The following LMBRD2 variants were observed in gnomAD, a reference collection of about 807,000 sequenced individuals.
The protein encoded by LMBRD2 is LMBR1 domain containing 2, also known as G protein-coupled receptor-associated protein LMBRD2.
LMBRD2 carries 55 observed loss-of-function variants against 94.4 expected under a neutral mutation model. That is an observed-to-expected ratio of 0.58 (90% CI 0.47 to 0.73). The LOEUF is 0.73. Ranked by LOEUF, LMBRD2 falls within the 30% of genes least tolerant of loss-of-function variation. LMBRD2 has a pLI of 0.00. For missense variants in LMBRD2, 640 were observed against 831.9 expected (o/e 0.77, Z 2.84); for synonymous variants, 246 against 272.4 (o/e 0.90, Z 0.95).
At chr5:36,140,232 G>A (rs1392561279) in intron 4 of LMBRD2, among the ~76,000 whole-genome samples, 2 of 152,204 alleles carry the variant, frequency 1.3e-5, no homozygotes, top group Non-Finnish European at 2.9e-5. Context: ...CCGATGCCTG[G>A]AGCTGCCCAC....
chr5:36,105,210 G>A lies in LMBRD2; in HGVS notation c.1898-13C>T, dbSNP rs776665965. 5.6e-6 allele frequency: 9 copies of A among 1,609,852 alleles called. No homozygotes were observed. Among genetic ancestry groups the A allele is most frequent in the Middle Eastern group, 3.3e-4 (2 of 6,036 alleles). Reference sequence around the variant, plus strand: ...TATTTGAATGCAGCTGCAAAGGAAGGGGGAAAAATGTCTACTTCCCTACTG... The same window carrying A: ...TATTTGAATGCAGCTGCAAAGGAAGAGGGAAAAATGTCTACTTCCCTACTG... On this transcript the variant is annotated splice_polypyrimidine_tract_variant and intron_variant, in intron 16 of 17. Transcript: ENST00000296603.
At chr5:36,145,641 A>G (rs1744520529) in intron 1 of LMBRD2, among the ~76,000 whole-genome samples, 1 of 152,250 alleles carries the variant, frequency 6.6e-6, no homozygotes, top group Non-Finnish European at 1.5e-5. Context: ...AAAAAACCCA[A>G]TTGATGTGAG....
intron 3 of LMBRD2, among the ~76,000 whole-genome samples, chr5:36,141,651 G>A (rs759786623): frequency 1.1e-4 from 17 of 151,474 alleles, no homozygotes; most frequent in Non-Finnish European, 2.4e-4. Context: ...CCTGAAAATT[G>A]TAATGCTAAT....
rs115186757 is a variant in LMBRD2, at chr5:36,129,735, G to A, written c.748-5470C>T. Among the ~76,000 whole-genome samples, 294 of 152,226 alleles carry A rather than the reference G, an allele frequency of 1.9e-3. 2 individuals carry two copies. Among genetic ancestry groups the A allele is most frequent in the African/African-American group, 6.7e-3 (277 of 41,540 alleles). On this transcript the variant is annotated intron_variant, in intron 6 of 17. Transcript: ENST00000296603. ...AGAATATTATTAACACTATGACTGC[G>A]GTGTGAAAACTACTCATATCTTGAG... is the stretch of plus-strand genomic sequence containing the variant.
chr5:36,105,226 T>C (rs574023275), intron 16 of LMBRD2, 29 bp from the exon 17 acceptor site: 5 of 1,607,876 alleles, frequency 3.1e-6, no homozygotes, highest in Non-Finnish European at 4.3e-6. Flanking sequence ...AAATGTCTAC[T>C]TCCCTACTGT....
intron 6 of LMBRD2, among the ~76,000 whole-genome samples, chr5:36,132,586 A>G (rs1280390595): frequency 6.6e-6 from 1 of 151,534 alleles, no homozygotes; most frequent in Non-Finnish European, 1.5e-5. Flanking sequence ...TAACCAGAAT[A>G]TATAAGGAAT....
chr5:36,111,442 G>A (rs1446475437), intron 13 of LMBRD2, among the ~76,000 whole-genome samples, 184 bp from the exon 14 acceptor site: 1 of 152,178 alleles, frequency 6.6e-6, no homozygotes, highest in African/African-American at 2.4e-5. Flanking sequence ...TCTAAGAAGT[G>A]TATGCCCTGT....
intron 3 of LMBRD2, among the ~76,000 whole-genome samples, chr5:36,142,301 G>A (rs1350617988): frequency 6.6e-6 from 1 of 152,138 alleles, no homozygotes; most frequent in East Asian, 1.9e-4. Flanking sequence ...GAAGGGCTTT[G>A]TGGACCAATA....
intron 1 of LMBRD2, chr5:36,147,976 T>C (rs184653784): frequency 5.0e-5 from 13 of 261,194 alleles, no homozygotes; most frequent in South Asian, 1.7e-4. Context: ...TAGGTTCCAA[T>C]TGGAAATTTT....
intron 1 of LMBRD2, among the ~76,000 whole-genome samples, chr5:36,147,733 C>T (rs1483325347): frequency 1.3e-5 from 2 of 152,114 alleles, no homozygotes; most frequent in African/African-American, 4.8e-5. Context: ...AGGCCAAATA[C>T]CCTTTGATGG....
rs1581038829 is a variant in LMBRD2 at position 36,105,193 on chromosome 5, T to C, written c.1902A>G (p.Ala634=). Residue 634 remains alanine, a synonymous_variant, in exon 17 of 18, where the codon GCA becomes GCG. Coordinates refer to ENST00000296603, the MANE Select transcript of LMBRD2 (RefSeq NM_001007527.2). ...TGTTATTAGCCCTGGTATATTTGAA[T>C]GCAGCTGCAAAGGAAGGGGGAAAAA... ...NFSDVNTNRS[A]FKYTRANNRT... 4 of 1,612,016 alleles carry C rather than the reference T, an allele frequency of 2.5e-6. No homozygotes were observed. Among genetic ancestry groups the C allele is most frequent in the Non-Finnish European group, 3.4e-6 (4 of 1,178,710 alleles).
intron 6 of LMBRD2, among the ~76,000 whole-genome samples, chr5:36,125,436 A>C (rs571402831): frequency 6.6e-6 from 1 of 152,304 alleles, no homozygotes; most frequent in African/African-American, 2.4e-5. Context: ...CATTATCCTT[A>C]ATATGTGATG....
intron 1 of LMBRD2, among the ~76,000 whole-genome samples, chr5:36,144,462 C>T (rs866790946): frequency 3.7e-4 from 57 of 152,272 alleles, no homozygotes; most frequent in African/African-American, 1.3e-3. Flanking sequence ...GCAGGCGGAT[C>T]ACCTGAGGTC....
At position 36,108,565 on chromosome 5, in the gene LMBRD2, C is replaced by G; in HGVS notation, c.1866G>C (p.Glu622Asp). 1.9e-6 allele frequency: 3 copies of G among 1,591,930 alleles called. No homozygotes were observed. Among genetic ancestry groups the G allele is most frequent in the Non-Finnish European group, 2.6e-6 (3 of 1,164,834 alleles). ...RNRNIHTDPK[E>D]SNFSDVNTNR... ...TGGTATTAACATCTGAGAAGTTTGA[C>G]TCTTTGGGGTCAGTATGAATATTTC... Residue 622 changes from glutamate to aspartate, a missense_variant, in exon 16 of 18, where the codon GAG becomes GAC. Around this residue, in one of 2 missense-constraint regions of LMBRD2, gnomAD observed 183 missense variants for 189.1 expected, o/e 0.97. Coordinates refer to ENST00000296603, the MANE Select transcript of LMBRD2 (RefSeq NM_001007527.2).
chr5:36,111,729 T>C (rs1743612434), intron 13 of LMBRD2, among the ~76,000 whole-genome samples: 1 of 152,038 alleles, frequency 6.6e-6, no homozygotes, highest in East Asian at 1.9e-4. Flanking sequence ...ATACTGAAAA[T>C]ATGGAACACA....
At position 36,116,459 on chromosome 5, in the gene LMBRD2, C is replaced by T; in HGVS notation, c.1436+1G>A. On this transcript the variant is annotated splice_donor_variant, in intron 11 of 17. Coordinates refer to ENST00000296603, the MANE Select transcript of LMBRD2 (RefSeq NM_001007527.2). LOFTEE classifies it high-confidence loss of function. The stretch of plus-strand genomic sequence containing the variant: ...TTGTTTCTAAACATAATCCTACTTA[C>T]ATGCCACTGAAAAGAAGGCTATAAG... 1 of 1,611,972 alleles carries T rather than the reference C, an allele frequency of 6.2e-7. No homozygotes were observed. The highest frequency in any genetic ancestry group is 2.2e-5 in the East Asian group (1 of 44,842).
chr5:36,146,941 A>AGTGTGTGTGTGTGTGTGT (rs371000455), intron 1 of LMBRD2, among the ~76,000 whole-genome samples: 11 of 139,362 alleles, frequency 7.9e-5, no homozygotes, highest in Admixed American at 1.4e-4. Context: ...TGTGTGTGTG[A>AGTGTGTGTGTGTGTGTGT]GTGTGTGTGT....
Position 36,151,243 on chromosome 5 carries a change from C to T in LMBRD2, c.-58+313G>A, listed in dbSNP as rs1744700693. On this transcript the variant is annotated intron_variant, in intron 1 of 17. Transcript: ENST00000296603. This position sits in a 1 kb window ranked among gnomAD's most constrained non-coding sequence, Gnocchi z 4.7. Reference sequence around the variant, plus strand: ...GGCTTTGCTGGAGGCCCCCTGCGTGCACGGGTAAAGCTCGTTGCAAAATAC... The same window carrying T: ...GGCTTTGCTGGAGGCCCCCTGCGTGTACGGGTAAAGCTCGTTGCAAAATAC... Among the ~76,000 whole-genome samples the T allele has an allele frequency of 6.6e-6, 1 of 152,236 alleles. No individual in the cohort carries two copies. Among genetic ancestry groups the T allele is most frequent in the African/African-American group, 2.4e-5 (1 of 41,462 alleles).
Position 36,114,418 on chromosome 5 carries a change from T to G in LMBRD2, c.1640+6A>C, listed in dbSNP as rs772788865. The G allele has an allele frequency of 1.3e-6, 2 of 1,556,738 alleles. No individual in the cohort carries two copies. The highest frequency in any genetic ancestry group is 4.9e-5 in the East Asian group (2 of 40,468). The stretch of plus-strand genomic sequence containing the variant: ...GCAAAAGAAAAAACAATGTTAAGTT[T>G]CTTACCTAAAATAAGTAGCAATGCA... On this transcript the variant is annotated splice_donor_region_variant and intron_variant, in intron 13 of 17. Coordinates refer to ENST00000296603, the MANE Select transcript of LMBRD2 (RefSeq NM_001007527.2).
Sources: gnomAD v4.1 joint callset for allele counts (sites outside exome capture counted in the v4.1 genomes callset) on GRCh38, gnomAD v4.1.1 for gene constraint, gnomAD v4.1.1 regional missense constraint, Gnocchi (gnomAD v3.1) non-coding constraint, MANE v1.5 for transcripts, NCBI Gene and HGNC (gene_info 2026-07-23, HGNC 2026-07-21) for gene names.